SOX5: variants seen among roughly 807,000 people sequenced by gnomAD.
SOX5 encodes the protein transcription factor SOX-5.
Under a neutral mutation model 92.0 loss-of-function variants are expected in SOX5, and 9 were observed. The ratio of observed to expected loss-of-function variants is 0.10; its 90% CI spans 0.06 to 0.17. SOX5 has a LOEUF of 0.17. Ranked by LOEUF, SOX5 falls within the 10% of genes least tolerant of loss-of-function variation. The pLI is 1.00. For missense variants in SOX5, 642 were observed against 944.5 expected, an observed-to-expected ratio of 0.68 and a Z score of 4.20; for synonymous variants, 344 against 336.3, an observed-to-expected ratio of 1.02 and a Z score of -0.25.
At chr12:23,707,880 C>A (rs1219409195) in intron 6 of SOX5, among the ~76,000 whole-genome samples, 6 of 152,018 alleles carry the variant, frequency 3.9e-5, no homozygotes, top group Admixed American at 3.9e-4. Flanking sequence ...ACATTATTTT[C>A]AGAGGGTGGA....
intron 4 of SOX5, among the ~76,000 whole-genome samples, chr12:23,976,751 T>C (rs534237967): frequency 1.5e-4 from 23 of 152,028 alleles, no homozygotes; most frequent in Non-Finnish European, 3.1e-4. Flanking sequence ...TCAGTCCCGC[T>C]GATAACTCCC....
intron 2 of SOX5, among the ~76,000 whole-genome samples, chr12:24,364,212 TG>T (rs1453618708): frequency 6.6e-6 from 1 of 152,104 alleles, no homozygotes; most frequent in Non-Finnish European, 1.5e-5. Context: ...ATCTATGCTT[TG>T]GGGTTCTCAA....
intron 3 of SOX5, among the ~76,000 whole-genome samples, chr12:23,820,001 G>A (rs372707687): frequency 2.0e-5 from 3 of 152,088 alleles, no homozygotes; most frequent in Non-Finnish European, 2.9e-5. Flanking sequence ...TTGAGGAATC[G>A]CCACACTGTC....
chr12:24,242,081 A>G (rs1312066846), intron 3 of SOX5, among the ~76,000 whole-genome samples: 1 of 152,184 alleles, frequency 6.6e-6, no homozygotes, highest in Non-Finnish European at 1.5e-5. Context: ...TGGCCATCGA[A>G]AGTTATTTTT....
intron 4 of SOX5, among the ~76,000 whole-genome samples, chr12:24,008,659 T>C (rs552812295): frequency 3.2e-4 from 49 of 152,298 alleles, no homozygotes; most frequent in African/African-American, 1.1e-3. Context: ...TCATTTTCAG[T>C]ATTACAATTT....
Position 23,570,970 on chromosome 12 carries a change from T to A in SOX5, c.1342+4691A>T, listed in dbSNP as rs1948255037. On this transcript the variant is annotated intron_variant, in intron 10 of 14. Transcript: ENST00000451604. ...ATATATATATATATATATATATATA[T>A]ATATATATATATATTTTCATATTTT... is the stretch of plus-strand genomic sequence containing the variant. Among the ~76,000 whole-genome samples, 55 of 108,934 alleles carry A rather than the reference T, an allele frequency of 5.0e-4. 1 individual carries two copies. Among genetic ancestry groups the A allele is most frequent in the Non-Finnish European group, 7.8e-4 (43 of 55,470 alleles). 71.5% of individuals were successfully genotyped at this position (108,934 alleles called of 152,430 possible).
intron 3 of SOX5, among the ~76,000 whole-genome samples, chr12:24,261,329 T>A (rs1328982664): frequency 6.6e-6 from 1 of 152,192 alleles, no homozygotes; most frequent in African/African-American, 2.4e-5. Flanking sequence ...TATGAGCCAT[T>A]AAGGACTTTG....
intron 4 of SOX5, among the ~76,000 whole-genome samples, chr12:23,966,440 G>T (rs953047523): frequency 2.7e-5 from 4 of 148,468 alleles, no homozygotes. Flanking sequence ...GAAATGATTT[G>T]GCCAGAAGTG....
intron 4 of SOX5, among the ~76,000 whole-genome samples, chr12:24,030,531 T>C (rs371718165): frequency 1.3e-5 from 2 of 151,998 alleles, no homozygotes; most frequent in African/African-American, 4.8e-5. Context: ...TCACACCATA[T>C]AGAAAATCAA....
intron 6 of SOX5, among the ~76,000 whole-genome samples, chr12:23,698,905 C>T (rs1488039200): frequency 6.6e-6 from 1 of 152,166 alleles, no homozygotes; most frequent in Middle Eastern, 3.2e-3. Context: ...TACAACCCTA[C>T]CCTCTACATG....
At chr12:23,756,840 G>A (rs944007075) in intron 3 of SOX5, among the ~76,000 whole-genome samples, 3 of 151,926 alleles carry the variant, frequency 2.0e-5, no homozygotes, top group East Asian at 1.9e-4. Context: ...CCTAGAGACC[G>A]TAATATTATT....
intron 3 of SOX5, among the ~76,000 whole-genome samples, chr12:23,830,947 A>G (rs1381635214): frequency 6.6e-6 from 1 of 152,154 alleles, no homozygotes; most frequent in Admixed American, 6.6e-5. Flanking sequence ...GATGTTCACA[A>G]GGCCAAATAT....
At chr12:24,133,043 C>T (rs1949794548) in intron 4 of SOX5, among the ~76,000 whole-genome samples, 1 of 152,186 alleles carries the variant, frequency 6.6e-6, no homozygotes, top group Admixed American at 6.5e-5. Context: ...CAATTCTACA[C>T]ATTTTAATAG....
intron 1 of SOX5, among the ~76,000 whole-genome samples, chr12:24,381,397 G>A (rs1193430392): frequency 1.3e-5 from 2 of 152,128 alleles, no homozygotes; most frequent in Non-Finnish European, 2.9e-5. Flanking sequence ...TAAGGCAGAA[G>A]GTGTGTTTGT....
At chr12:23,947,186 C>G (rs2139725811) in intron 1 of SOX5, among the ~76,000 whole-genome samples, 1 of 151,862 alleles carries the variant, frequency 6.6e-6, no homozygotes, top group South Asian at 2.1e-4. Context: ...TTTATTATGT[C>G]CTCTAGATCA....
chr12:24,336,703 GAAGA>G lies in SOX5; in HGVS notation c.-174+31856_-174+31859del, dbSNP rs1395730486. Among the ~76,000 whole-genome samples the G allele has an allele frequency of 3.3e-5, 5 of 152,090 alleles. No individual in the cohort carries two copies. In the East Asian group the frequency reaches 7.7e-4, roughly 23 times the overall value. On this transcript the variant is annotated intron_variant, in intron 2 of 4. Transcript: ENST00000446891. ...AATATAGTGTGCTAAAAAAATAAAAGAAGAAAGAAAATGCCCTCTCCCTGTTAAA... is the reference window on the plus strand; with the variant it reads ...AATATAGTGTGCTAAAAAAATAAAAGAAGAAAATGCCCTCTCCCTGTTAAA...
chr12:23,908,235 G>T (rs568397693), intron 1 of SOX5, among the ~76,000 whole-genome samples: 1 of 151,968 alleles, frequency 6.6e-6, no homozygotes, highest in Non-Finnish European at 1.5e-5. Context: ...AAGTTAAGCC[G>T]TCTAAAGAAA....
At chr12:24,113,532 T>G (rs1190343061) in intron 4 of SOX5, among the ~76,000 whole-genome samples, 3 of 152,168 alleles carry the variant, frequency 2.0e-5, no homozygotes, top group Non-Finnish European at 2.9e-5. Flanking sequence ...ATTATTATGC[T>G]GTGATACCCA....
intron 11 of SOX5, among the ~76,000 whole-genome samples, chr12:23,550,938 C>T (rs544318756): frequency 1.3e-5 from 2 of 151,932 alleles, no homozygotes; most frequent in African/African-American, 2.4e-5. Context: ...TTAAACAGTG[C>T]GTGAGTAGAT....
Sources: allele counts gnomAD v4.1 joint callset (sites outside exome capture counted in the v4.1 genomes callset), GRCh38; gene constraint gnomAD v4.1.1; transcripts MANE v1.5; gene names NCBI Gene and HGNC (gene_info 2026-07-23, HGNC 2026-07-21).